CDON: variants seen among roughly 807,000 people sequenced by gnomAD.
CDON encodes the protein cell adhesion molecule-related/down-regulated by oncogenes.
CDON carries 73 observed loss-of-function variants against 120.9 expected under a neutral mutation model. The observed-to-expected ratio is 0.60, with a 90% confidence interval of 0.50 to 0.73. CDON has a LOEUF of 0.73. Ranked by LOEUF, CDON falls within the 30% of genes least tolerant of loss-of-function variation. The pLI is 0.00. For missense variants in CDON, 1,470 were observed against 1,587.3 expected, an observed-to-expected ratio of 0.93 and a Z score of 1.26; for synonymous variants, 566 against 573.5, an observed-to-expected ratio of 0.99 and a Z score of 0.19.
At chr11:126,017,417 G>T (rs781230552) in intron 5 of CDON, 42 bp from the exon 6 acceptor site, 1 of 1,578,688 alleles carries the variant, frequency 6.3e-7, no homozygotes, top group East Asian at 2.2e-5. Flanking sequence ...GTAAGTCTTC[G>T]ATTCTAATCT....
Position 125,961,766 on chromosome 11 carries a change from C to T in CDON, c.3589G>A (p.Val1197Ile), listed in dbSNP as rs911339564. Residue 1197 changes from valine to isoleucine, a missense_variant, in exon 19 of 20, where the codon GTC (valine) becomes ATC (isoleucine). Transcript: ENST00000531738. ...GGATCTTCTGAGCCATCAGAGCTGA[C>T]GTCATTTACAATGTCCTGACAGCAG... ...RTCCQDIVND[V>I]SSDGSEDPAE... 9 of 1,613,988 alleles carry T rather than the reference C, an allele frequency of 5.6e-6. No individual in the cohort carries two copies. In the African/African-American group the frequency reaches 6.7e-5, roughly 12 times the overall value.
chr11:125,981,008 T>C lies in CDON; in HGVS notation c.3276+41A>G, dbSNP rs748780661. ...GTCCCTGTTCTAGTACTTGGCACCCTGAGGGACAGAGGGGCTTTTATTTAT... is the reference window on the plus strand; with the variant it reads ...GTCCCTGTTCTAGTACTTGGCACCCCGAGGGACAGAGGGGCTTTTATTTAT... On this transcript the variant is annotated intron_variant, in intron 17 of 19. Coordinates refer to ENST00000531738, the MANE Select transcript of CDON (RefSeq NM_001378964.1). 14 of 1,608,140 alleles carry C rather than the reference T, an allele frequency of 8.7e-6. 1 individual carries two copies. The highest frequency in any genetic ancestry group is 8.5e-7 in the Non-Finnish European group (1 of 1,174,744).
At chr11:126,038,266 G>C (rs972074480) in intron 1 of CDON, among the ~76,000 whole-genome samples, 6 of 152,112 alleles carry the variant, frequency 3.9e-5, no homozygotes, top group Admixed American at 3.9e-4. Flanking sequence ...AACAATCATT[G>C]AGGTATCTGT....
intron 18 of CDON, among the ~76,000 whole-genome samples, chr11:125,962,204 A>C (rs904467527): frequency 5.3e-5 from 8 of 152,232 alleles, no homozygotes; most frequent in Admixed American, 4.6e-4. Context: ...AGGAGAATAC[A>C]CCAAAAGAAT....
chr11:126,000,867 G>A (rs1946924375), intron 11 of CDON, among the ~76,000 whole-genome samples: 1 of 152,110 alleles, frequency 6.6e-6, no homozygotes, highest in Non-Finnish European at 1.5e-5. Context: ...GAAATTTTAA[G>A]TCTTCCCTAG....
chr11:126,026,312 C>G (rs541846517), intron 1 of CDON, among the ~76,000 whole-genome samples: 6 of 152,344 alleles, frequency 3.9e-5, no homozygotes, highest in African/African-American at 7.2e-5. Context: ...GACTAGGCTA[C>G]TATGTCTGCG....
intron 18 of CDON, 102 bp downstream of exon 18, chr11:125,978,202 T>C: frequency 1.3e-6 from 1 of 751,062 alleles, no homozygotes; most frequent in South Asian, 1.5e-5. Flanking sequence ...CTGAACTTTA[T>C]ATCCTAGGTA....
chr11:126,002,830 G>A lies in CDON; in HGVS notation c.2027-980C>T, dbSNP rs931712557. Among the ~76,000 whole-genome samples, 10 of 152,086 alleles carry A rather than the reference G, an allele frequency of 6.6e-5. 1 individual carries two copies. The highest frequency in any genetic ancestry group is 2.6e-4 in the Admixed American group (4 of 15,260). The stretch of plus-strand genomic sequence containing the variant: ...GTGTGCTGTGTGATGTGGACACCCC[G>A]TTGTTCCCTGGGATCTCTCCCCTAC... On this transcript the variant is annotated intron_variant, in intron 10 of 19. Transcript: ENST00000531738.
intron 1 of CDON, among the ~76,000 whole-genome samples, chr11:126,032,300 A>T (rs55736113): frequency 3.3e-5 from 5 of 151,746 alleles, no homozygotes; most frequent in Non-Finnish European, 7.4e-5. Flanking sequence ...TGGGGGATGG[A>T]GTAGAGGAAG....
intron 1 of CDON, among the ~76,000 whole-genome samples, chr11:126,049,368 G>A (rs559421414): frequency 7.2e-5 from 11 of 152,232 alleles, no homozygotes; most frequent in African/African-American, 2.6e-4. Context: ...GTTAAGCAAG[G>A]CCAGAGTTTT....
At chr11:126,020,557 C>G (rs1947603888) in intron 3 of CDON, among the ~76,000 whole-genome samples, 1 of 152,174 alleles carries the variant, frequency 6.6e-6, no homozygotes. Context: ...AACATTTACT[C>G]TTCTCAGTTA....
chr11:125,975,833 T>C (rs552179128), intron 18 of CDON, among the ~76,000 whole-genome samples: 1 of 152,338 alleles, frequency 6.6e-6, no homozygotes, highest in South Asian at 2.1e-4. Context: ...TGACTGTTCT[T>C]ACATTCCTTC....
At position 126,011,305 on chromosome 11, in the gene CDON, T is replaced by C. The variant is rs150232560; in HGVS notation, c.1199-611A>G. 2.0e-5 allele frequency among the ~76,000 whole-genome samples: 3 copies of C among 152,342 alleles called. No individual in the cohort carries two copies. In the East Asian group the frequency reaches 5.8e-4, roughly 29 times the overall value. ...GAGGTATTTTGAAGAGAGCTTACAA[T>C]GGAATATTGATCAAAGTAAATGACA... is the stretch of plus-strand genomic sequence containing the variant. On this transcript the variant is annotated intron_variant, in intron 7 of 19. Coordinates refer to ENST00000531738, the MANE Select transcript of CDON (RefSeq NM_001378964.1).
intron 1 of CDON, among the ~76,000 whole-genome samples, chr11:126,056,278 A>G (rs1948678215): frequency 6.6e-6 from 1 of 152,210 alleles, no homozygotes; most frequent in Non-Finnish European, 1.5e-5. Context: ...GAGGACGCCT[A>G]TAGATCAAAA....
At chr11:125,968,210 C>T (rs779600751) in intron 18 of CDON, among the ~76,000 whole-genome samples, 12 of 152,190 alleles carry the variant, frequency 7.9e-5, no homozygotes, top group Non-Finnish European at 1.3e-4. Flanking sequence ...CTTGAATGAA[C>T]TCATAATGTT....
intron 18 of CDON, among the ~76,000 whole-genome samples, chr11:125,972,041 G>C (rs1946014297): frequency 6.6e-6 from 1 of 152,140 alleles, no homozygotes; most frequent in African/African-American, 2.4e-5. Flanking sequence ...TCTTGATTAG[G>C]TCTCTGGTGT....
intron 18 of CDON, among the ~76,000 whole-genome samples, chr11:125,972,394 T>C (rs1946027607): frequency 6.6e-6 from 1 of 151,962 alleles, no homozygotes; most frequent in Non-Finnish European, 1.5e-5. Flanking sequence ...ACCACTGCAC[T>C]CCAGCCTGGG....
chr11:125,979,866 A>G (rs1351002058), intron 17 of CDON, among the ~76,000 whole-genome samples: 2 of 152,240 alleles, frequency 1.3e-5, no homozygotes, highest in African/African-American at 4.8e-5. Flanking sequence ...CTCTTTTAGT[A>G]ATGAGATGCA....
intron 18 of CDON, among the ~76,000 whole-genome samples, chr11:125,966,407 G>A (rs1267810097): frequency 6.6e-6 from 1 of 152,192 alleles, no homozygotes; most frequent in Admixed American, 6.5e-5. Context: ...ACAGAGGATT[G>A]CTGACCACGA....
Sources: gnomAD v4.1 joint callset for allele counts (sites outside exome capture counted in the v4.1 genomes callset) on GRCh38, gnomAD v4.1.1 for gene constraint, MANE v1.5 for transcripts, NCBI Gene and HGNC (gene_info 2026-07-23, HGNC 2026-07-21) for gene names.